ADAM12: variants seen among roughly 807,000 people sequenced by gnomAD.
ADAM12 encodes the protein ADAM metallopeptidase domain 12, also known as disintegrin and metalloproteinase domain-containing protein 12.
ADAM12 carries 70 observed loss-of-function variants against 106.4 expected under a neutral mutation model. The observed-to-expected ratio is 0.66, with a 90% CI of 0.54 to 0.80. The LOEUF is 0.80. ADAM12 is among the 30% of genes least tolerant of loss of function. The pLI, the probability that ADAM12 is intolerant of heterozygous loss-of-function variation, is 0.00. For synonymous variants in ADAM12, 420 were observed against 433.5 expected, an observed-to-expected ratio of 0.97 and a Z score of 0.39; for missense variants, 1,010 against 1,171.9, an observed-to-expected ratio of 0.86 and a Z score of 2.02.
intron 21 of ADAM12, among the ~76,000 whole-genome samples, chr10:126,032,618 G>A (rs1238843080): frequency 6.6e-6 from 1 of 152,228 alleles, no homozygotes; most frequent in East Asian, 1.9e-4. Flanking sequence ...CAGGTGAGTT[G>A]CTTAAAATAA....
intron 3 of ADAM12, among the ~76,000 whole-genome samples, chr10:126,248,163 C>T (rs1470654460): frequency 2.0e-5 from 3 of 152,158 alleles, no homozygotes; most frequent in Non-Finnish European, 4.4e-5. Flanking sequence ...GTCATACCCC[C>T]TATGCATCAC....
At chr10:126,334,091 T>C (rs1472207017) in intron 1 of ADAM12, among the ~76,000 whole-genome samples, 1 of 152,204 alleles carries the variant, frequency 6.6e-6, no homozygotes, top group Non-Finnish European at 1.5e-5. Flanking sequence ...TTTTAGATGA[T>C]GCAAATAAAA....
In ADAM12 at chr10:126,339,847, CTTT is replaced by C. The variant is rs146232567; in HGVS notation, c.89-9341_89-9339del. ...AGTGAAGTGGGAAGCCATTCTAGGGCTTTTTTTTTTTTTTTTTTTTTTTTTGAG... is the reference window on the plus strand; with the variant it reads ...AGTGAAGTGGGAAGCCATTCTAGGGCTTTTTTTTTTTTTTTTTTTTTTGAG... On this transcript the variant is annotated intron_variant, in intron 1 of 22. Transcript: ENST00000448723. 4.7e-3 allele frequency among the ~76,000 whole-genome samples: 357 copies of C among 75,636 alleles called. 2 individuals carry two copies. The highest frequency in any genetic ancestry group is 0.016 in the African/African-American group (298 of 18,352). 49.6% of individuals were successfully genotyped at this position (75,636 alleles called of 152,430 possible).
At chr10:126,182,718 G>A (rs1209667516) in intron 3 of ADAM12, among the ~76,000 whole-genome samples, 2 of 152,224 alleles carry the variant, frequency 1.3e-5, no homozygotes, top group South Asian at 2.1e-4. Flanking sequence ...GAGGTCAGTG[G>A]AGGTGGGCTT....
Position 126,064,261 on chromosome 10 carries a change from A to C in ADAM12, c.1609+545T>G, listed in dbSNP as rs189386472. Among the ~76,000 whole-genome samples the C allele has an allele frequency of 6.7e-4, 102 of 152,196 alleles. No individual in the cohort carries two copies. The highest frequency in any genetic ancestry group is 3.4e-3 in the Middle Eastern group (1 of 294). On this transcript the variant is annotated intron_variant, in intron 14 of 22. Transcript: ENST00000448723. The surrounding 1 kb of genome is among the most constrained non-coding windows in gnomAD (Gnocchi z 4.4). Reference sequence around the variant, plus strand: ...GCTCTCAGGCCTTCTGATTACAGACACACTCATGCTTCAAGTCTGATCAGG... The same window carrying C: ...GCTCTCAGGCCTTCTGATTACAGACCCACTCATGCTTCAAGTCTGATCAGG...
intron 19 of ADAM12, among the ~76,000 whole-genome samples, chr10:126,038,689 G>A (rs1031327414): frequency 1.3e-5 from 2 of 152,108 alleles, no homozygotes; most frequent in Non-Finnish European, 2.9e-5. Context: ...ATATTTCAAT[G>A]TCTCCATGTT....
At chr10:126,346,035 T>C (rs1008001774) in intron 1 of ADAM12, among the ~76,000 whole-genome samples, 2 of 152,228 alleles carry the variant, frequency 1.3e-5, no homozygotes, top group Non-Finnish European at 2.9e-5. Context: ...TCTGCTCTGA[T>C]CTTAGTTATT....
chr10:126,368,163 G>C (rs1855982388), intron 1 of ADAM12, among the ~76,000 whole-genome samples: 1 of 151,722 alleles, frequency 6.6e-6, no homozygotes, highest in African/African-American at 2.4e-5. Flanking sequence ...ATATAATATA[G>C]GATAAACAAC....
chr10:126,036,969 A>G (rs1215234747), intron 20 of ADAM12, among the ~76,000 whole-genome samples: 1 of 152,154 alleles, frequency 6.6e-6, no homozygotes, highest in Non-Finnish European at 1.5e-5. Context: ...CTCACAACAA[A>G]CAAGTGGACA....
At chr10:126,065,106 A>C in intron 13 of ADAM12, 105 bp from the exon 14 acceptor site, 1 of 1,188,772 alleles carries the variant, frequency 8.4e-7, no homozygotes, top group East Asian at 2.6e-5. Flanking sequence ...GTCCCACATA[A>C]GGGGTGAGGA....
At chr10:126,041,580 A>T in intron 18 of ADAM12, 1 of 986,128 alleles carries the variant, frequency 1.0e-6, no homozygotes, top group Non-Finnish European at 1.2e-6. Context: ...TTTCATTGCC[A>T]TTCAGTTTGC....
At chr10:126,133,822 G>A (rs1956354001) in intron 5 of ADAM12, among the ~76,000 whole-genome samples, 1 of 152,122 alleles carries the variant, frequency 6.6e-6, no homozygotes, top group Non-Finnish European at 1.5e-5. Context: ...TCTGCTTCAG[G>A]AGCTTTGCAC....
At chr10:126,258,343 ATT>A (rs1958933523) in intron 3 of ADAM12, among the ~76,000 whole-genome samples, 1 of 151,950 alleles carries the variant, frequency 6.6e-6, no homozygotes, top group Non-Finnish European at 1.5e-5. Context: ...TTTTTCCCTA[ATT>A]ATTTCTTAAA....
Position 126,303,802 on chromosome 10 carries a change from A to G in ADAM12, c.187-24814T>C, listed in dbSNP as rs554846153. Among the ~76,000 whole-genome samples, 7 of 152,234 alleles carry G rather than the reference A, an allele frequency of 4.6e-5. No individual in the cohort carries two copies. The East Asian group carries it at 1.4e-3, about 29-fold the overall frequency. On this transcript the variant is annotated intron_variant, in intron 2 of 22. Transcript: ENST00000448723. ...GTGATGCCTCACCTTGTTTGTCCTA[A>G]TTGTGAGAACACCATCATATTATAC...
intron 3 of ADAM12, among the ~76,000 whole-genome samples, chr10:126,196,176 T>G (rs1957594770): frequency 6.6e-6 from 1 of 152,220 alleles, no homozygotes; most frequent in East Asian, 1.9e-4. Flanking sequence ...GGGGATGCTA[T>G]TTGGGTTGAT....
intron 3 of ADAM12, among the ~76,000 whole-genome samples, chr10:126,210,515 C>T (rs1449575545): frequency 2.6e-5 from 4 of 152,162 alleles, no homozygotes. Context: ...GGGGTAGGGG[C>T]AGGGCCACAG....
intron 3 of ADAM12, among the ~76,000 whole-genome samples, chr10:126,277,787 GA>G (rs755621289): frequency 6.6e-6 from 1 of 151,754 alleles, no homozygotes; most frequent in African/African-American, 2.4e-5. Context: ...AAGAATGTAA[GA>G]AAAAAAACAC....
At chr10:126,350,914 G>C (rs549180812) in intron 1 of ADAM12, among the ~76,000 whole-genome samples, 1 of 152,126 alleles carries the variant, frequency 6.6e-6, no homozygotes, top group Non-Finnish European at 1.5e-5. Context: ...AACTGCTGCC[G>C]ACCCCCGGAG....
intron 3 of ADAM12, among the ~76,000 whole-genome samples, chr10:126,200,353 A>G (rs1286529106): frequency 6.6e-6 from 1 of 152,214 alleles, no homozygotes; most frequent in Non-Finnish European, 1.5e-5. Context: ...GCCTTCAAGT[A>G]TGGTCTCAAG....
Sources: gnomAD v4.1 joint callset for allele counts (sites outside exome capture counted in the v4.1 genomes callset) on GRCh38, gnomAD v4.1.1 for gene constraint, Gnocchi (gnomAD v3.1) non-coding constraint, MANE v1.5 for transcripts, NCBI Gene and HGNC (gene_info 2026-07-23, HGNC 2026-07-21) for gene names.